Variants in NKD2 observed in about 807,000 individuals in gnomAD.
The protein encoded by NKD2 is NKD inhibitor of Wnt signaling pathway 2, also known as protein naked cuticle homolog 2.
In NKD2, 43 loss-of-function variants were observed where a neutral mutation model predicts 34.8. That is an observed-to-expected ratio of 1.24 (90% CI 0.97 to 1.60). The LOEUF (loss-of-function observed/expected upper bound fraction) is 1.60. Ranked by LOEUF, NKD2 falls within the 40% of genes most tolerant of loss-of-function variation. The pLI is 0.00. For missense variants in NKD2, 675 were observed against 627.1 expected, an observed-to-expected ratio of 1.08 and a Z score of -0.82; for synonymous variants, 278 against 265.1, an observed-to-expected ratio of 1.05 and a Z score of -0.47.
At chr5:1,034,030 G>A (rs1202312342) in intron 5 of NKD2, 2 of 592,392 alleles carry the variant, frequency 3.4e-6, no homozygotes, top group African/African-American at 1.9e-5. Flanking sequence ...ACAAAGCTGG[G>A]TCCCCCCAAG....
chr5:1,026,030 T>G (rs71213501), intron 3 of NKD2, among the ~76,000 whole-genome samples: 1,702 of 6,304 alleles, frequency 0.27, 86 homozygotes, highest in South Asian at 0.53. Context: ...CTTCCCACCC[T>G]CTGTGGGCGT....
chr5:1,017,091 G>C (rs569599191), intron 3 of NKD2, among the ~76,000 whole-genome samples: 52 of 152,278 alleles, frequency 3.4e-4, no homozygotes, highest in African/African-American at 1.2e-3. Context: ...TCCCACAAAG[G>C]ATAGCAGAGC....
Position 1,033,396 on chromosome 5 carries a change from AG to A in NKD2, c.230del (p.Gly77AlafsTer95). ...GTGGCACTCCCCGCTGAGAAAGCTG[AG>A]GGCCGCGAGCACCCGGGACAACTCC... ...LQVALPAEKAEGREHPGQLLS... is the reference protein window; with the variant it reads ...LQVALPAEKAXGREHPGQLLS... On this transcript the variant is annotated frameshift_variant, in exon 5 of 10. Coordinates refer to ENST00000296849, the MANE Select transcript of NKD2 (RefSeq NM_033120.4). LOFTEE classifies it high-confidence loss of function. 1 of 1,599,382 alleles carries A rather than the reference AG, an allele frequency of 6.3e-7. No individual in the cohort carries two copies.
intron 3 of NKD2, among the ~76,000 whole-genome samples, chr5:1,011,853 ACT>A: frequency 6.6e-6 from 1 of 152,002 alleles, no homozygotes; most frequent in East Asian, 1.9e-4. Flanking sequence ...CTCCCTGGCG[ACT>A]CTGCGGAGCG....
chr5:1,015,323 C>T lies in NKD2; in HGVS notation c.141+5763C>T, dbSNP rs555171907. On this transcript the variant is annotated intron_variant, in intron 3 of 9. Coordinates refer to ENST00000296849, the MANE Select transcript of NKD2 (RefSeq NM_033120.4). ...GGCCAGTGGGTGGGAGTGGGGTCCA[C>T]CGTCCTTCCTGTAGAGAGGAAGCCT... Among the ~76,000 whole-genome samples the T allele has an allele frequency of 6.6e-5, 10 of 152,336 alleles. No homozygotes were observed. In the South Asian group the frequency reaches 2.1e-3, roughly 32 times the overall value.
At chr5:1,022,268 C>T (rs1756231013) in intron 3 of NKD2, among the ~76,000 whole-genome samples, 1 of 129,488 alleles carries the variant, frequency 7.7e-6, no homozygotes, top group Non-Finnish European at 1.7e-5. Context: ...GGCGTCTCAG[C>T]CCATTGTCCC....
chr5:1,035,962 TG>T, intron 8 of NKD2: 2 of 442,680 alleles, frequency 4.5e-6, no homozygotes, highest in South Asian at 5.4e-5. Context: ...GTGGCTACAG[TG>T]GTCCCAGAGT....
At chr5:1,036,821 C>T (rs1458347595) in intron 9 of NKD2, 3 of 454,224 alleles carry the variant, frequency 6.6e-6, no homozygotes, top group Non-Finnish European at 1.3e-5. Context: ...GACGGCAGGG[C>T]AGGCAGTGTG....
At chr5:1,016,317 G>T (rs771056735) in intron 3 of NKD2, among the ~76,000 whole-genome samples, 50 of 152,258 alleles carry the variant, frequency 3.3e-4, no homozygotes, top group Admixed American at 1.2e-3. Flanking sequence ...TACTTGGCAG[G>T]GCACCCTTTG....
rs753025826 is a variant in NKD2, at chr5:1,032,145, C to T, written c.142-7C>T. The T allele has an allele frequency of 4.3e-6, 7 of 1,610,924 alleles. No homozygotes were observed. In the African/African-American group the frequency reaches 8.0e-5, roughly 18 times the overall value. On this transcript the variant is annotated splice_polypyrimidine_tract_variant and splice_region_variant and intron_variant, in intron 3 of 9. Coordinates refer to ENST00000296849, the MANE Select transcript of NKD2 (RefSeq NM_033120.4). The stretch of plus-strand genomic sequence containing the variant: ...TGTGGCCACTGACTGCCCCGTTCTT[C>T]CTGCAGGAGCTGCCCAATGGGGACC...
chr5:1,031,132 C>T (rs1188706734), intron 3 of NKD2, among the ~76,000 whole-genome samples: 2 of 152,106 alleles, frequency 1.3e-5, no homozygotes, highest in African/African-American at 4.8e-5. Context: ...GCTCAGCCTC[C>T]TGCCTGGGCC....
At chr5:1,022,175 G>C (rs1253220025) in intron 3 of NKD2, among the ~76,000 whole-genome samples, 1 of 151,998 alleles carries the variant, frequency 6.6e-6, no homozygotes, top group Non-Finnish European at 1.5e-5. Context: ...CACCTGCTGT[G>C]GGTGTCCCAA....
chr5:1,012,390 C>T (rs1755789294), intron 3 of NKD2, among the ~76,000 whole-genome samples: 1 of 152,170 alleles, frequency 6.6e-6, no homozygotes, highest in South Asian at 2.1e-4. Context: ...CTGCAGGAGG[C>T]AGCAGGCACG....
intron 3 of NKD2, among the ~76,000 whole-genome samples, chr5:1,017,343 C>T (rs1468771816): frequency 1.3e-5 from 2 of 152,372 alleles, no homozygotes; most frequent in East Asian, 1.9e-4. Flanking sequence ...GGCCAGTGGC[C>T]AGGTCCGTGT....
chr5:1,038,555 A>C lies in NKD2; in HGVS notation c.*182A>C. On this transcript the variant is annotated 3_prime_UTR_variant, in exon 10 of 10. Transcript: ENST00000296849. The surrounding 1 kb of genome is among the most constrained non-coding windows in gnomAD (Gnocchi z 4.5). ...GAGGTGGTGCACCTTGGACACGTGG[A>C]CAAGGCCCAGGCGCCCTCTGCTCTT... 2.3e-6 allele frequency: 3 copies of C among 1,282,484 alleles called. No homozygotes were observed. Among genetic ancestry groups the C allele is most frequent in the Non-Finnish European group, 3.3e-6 (3 of 917,926 alleles). 79.4% of individuals were successfully genotyped at this position (1,282,484 alleles called of 1,614,324 possible).
intron 3 of NKD2, among the ~76,000 whole-genome samples, chr5:1,030,604 C>G (rs1459881616): frequency 6.6e-6 from 1 of 152,204 alleles, no homozygotes; most frequent in Non-Finnish European, 1.5e-5. Context: ...TTTATGCCAG[C>G]GTCCACCTGG....
intron 4 of NKD2, among the ~76,000 whole-genome samples, chr5:1,033,030 T>A (rs1027529670): frequency 8.0e-6 from 1 of 125,486 alleles, no homozygotes; most frequent in Non-Finnish European, 2.0e-5. Context: ...AGGGACTGTG[T>A]CTATGGGGAG....
intron 3 of NKD2, among the ~76,000 whole-genome samples, chr5:1,021,054 A>G (rs1282837460): frequency 1.3e-5 from 2 of 152,060 alleles, no homozygotes; most frequent in African/African-American, 4.8e-5. Flanking sequence ...AGACAGAAAC[A>G]TTTCTATTTT....
intron 3 of NKD2, among the ~76,000 whole-genome samples, chr5:1,028,216 G>A (rs1292245973): frequency 1.3e-5 from 2 of 152,172 alleles, no homozygotes; most frequent in Admixed American, 6.5e-5. Flanking sequence ...TGTCGTGGCG[G>A]GGACGTGGAC....
Sources: allele counts gnomAD v4.1 joint callset (sites outside exome capture counted in the v4.1 genomes callset), GRCh38; gene constraint gnomAD v4.1.1; non-coding constraint Gnocchi (gnomAD v3.1); transcripts MANE v1.5; gene names NCBI Gene and HGNC (gene_info 2026-07-23, HGNC 2026-07-21).